Variants in STK39 observed in about 807,000 individuals in gnomAD.
The protein encoded by STK39 is STE20/SPS1-related proline-alanine-rich protein kinase.
A neutral mutation model predicts 77.8 loss-of-function variants in STK39; 20 were observed. The observed-to-expected ratio is 0.26, with a 90% confidence interval of 0.18 to 0.37. The LOEUF (loss-of-function observed/expected upper bound fraction) is 0.37, where lower values mean the gene tolerates loss of function less well. STK39 is among the 10% of genes least tolerant of loss of function. The probability of loss-of-function intolerance (pLI) is 1.00; values close to 1 mark genes in which losing one functional copy is unlikely to be tolerated. For missense variants in STK39, 479 were observed against 656.5 expected (o/e 0.73, Z 2.95); for synonymous variants, 246 against 234.1 (o/e 1.05, Z -0.47).
chr2:167,981,048 A>C (rs1683405119), intron 16 of STK39, among the ~76,000 whole-genome samples: 1 of 146,518 alleles, frequency 6.8e-6, no homozygotes, highest in Admixed American at 6.8e-5. Flanking sequence ...TAGGCCACAG[A>C]GTAAAAAAAA....
At chr2:168,215,183 T>C (rs1296976897) in intron 1 of STK39, among the ~76,000 whole-genome samples, 1 of 152,232 alleles carries the variant, frequency 6.6e-6, no homozygotes, top group African/African-American at 2.4e-5. Context: ...AGTTGTTTTT[T>C]ATGCATCCTT....
chr2:167,996,727 T>G (rs978780426), intron 16 of STK39, among the ~76,000 whole-genome samples: 2 of 152,190 alleles, frequency 1.3e-5, no homozygotes, highest in Non-Finnish European at 2.9e-5. Flanking sequence ...CTTGAGGTAG[T>G]GTAGACTCCC....
intron 1 of STK39, among the ~76,000 whole-genome samples, chr2:168,223,269 G>A (rs1432038754): frequency 1.3e-5 from 2 of 152,062 alleles, no homozygotes; most frequent in Non-Finnish European, 2.9e-5. Context: ...CAGCACTTTG[G>A]GAGGCTGAGG....
At chr2:168,115,010 T>G (rs1456515599) in intron 10 of STK39, among the ~76,000 whole-genome samples, 1 of 152,180 alleles carries the variant, frequency 6.6e-6, no homozygotes, top group East Asian at 1.9e-4. Context: ...TAACTAACTT[T>G]AATGGCCCCA....
intron 14 of STK39, among the ~76,000 whole-genome samples, chr2:168,038,456 A>AG (rs933455973): frequency 1.3e-5 from 2 of 151,556 alleles, no homozygotes; most frequent in African/African-American, 4.8e-5. Flanking sequence ...ATTTAAAAAA[A>AG]AAAACCCTCA....
intron 1 of STK39, among the ~76,000 whole-genome samples, chr2:168,242,986 C>T (rs1417486188): frequency 6.6e-6 from 1 of 151,926 alleles, no homozygotes; most frequent in African/African-American, 2.4e-5. Context: ...AATCAAAGCC[C>T]TGTCTTGAGA....
intron 1 of STK39, among the ~76,000 whole-genome samples, chr2:168,239,021 G>A (rs116352981): frequency 3.7e-4 from 57 of 152,172 alleles, no homozygotes; most frequent in African/African-American, 1.3e-3. Context: ...AGAATGACCC[G>A]GTTCTATGGT....
chr2:168,208,659 T>C (rs1042152632), intron 1 of STK39, among the ~76,000 whole-genome samples: 5 of 152,230 alleles, frequency 3.3e-5, no homozygotes, highest in Admixed American at 2.0e-4. Context: ...GGCTTACAAA[T>C]GTCTCCTTCT....
At chr2:168,230,627 C>T (rs924426263) in intron 1 of STK39, among the ~76,000 whole-genome samples, 1 of 152,156 alleles carries the variant, frequency 6.6e-6, no homozygotes, top group East Asian at 1.9e-4. Context: ...TGTTACACAG[C>T]TATAGATAGC....
At chr2:167,959,297 T>G (rs1691873725) in intron 17 of STK39, among the ~76,000 whole-genome samples, 1 of 151,830 alleles carries the variant, frequency 6.6e-6, no homozygotes, top group South Asian at 2.1e-4. Flanking sequence ...TTTTTTTTTT[T>G]TGTATTTTTA....
intron 14 of STK39, among the ~76,000 whole-genome samples, chr2:168,029,709 G>A (rs1369935596): frequency 1.3e-5 from 2 of 152,134 alleles, no homozygotes; most frequent in Non-Finnish European, 2.9e-5. Flanking sequence ...TGCTTTCTCC[G>A]ACGGGTATTT....
intron 1 of STK39, among the ~76,000 whole-genome samples, chr2:168,221,102 G>A (rs149392306): frequency 6.6e-6 from 1 of 152,250 alleles, no homozygotes; most frequent in African/African-American, 2.4e-5. Flanking sequence ...TGAGCAGGAT[G>A]ATAGGAAGTA....
Position 168,247,286 on chromosome 2 carries a change from CGCCGGGGCCGGGGCCGGG to C in STK39, c.132_149del (p.Pro45_Ala50del). 1.1e-5 allele frequency: 11 copies of C among 1,006,984 alleles called. No homozygotes were observed. The highest frequency in any genetic ancestry group is 1.3e-5 in the Non-Finnish European group (11 of 834,276). The allele number at this position is 1,006,984 out of a possible 1,614,324, so 62.4% of individuals were successfully genotyped here. On this transcript the variant is annotated inframe_deletion, in exon 1 of 18. Coordinates refer to ENST00000355999, the MANE Select transcript of STK39 (RefSeq NM_013233.3). ...AGATGGGCCAGCCGACAGCCTGTGC[CGCCGGGGCCGGGGCCGGG>C]GCCGGGGCCGCGGGAGCTGCCGGGG...
chr2:168,228,967 T>C (rs769415779), intron 1 of STK39, among the ~76,000 whole-genome samples: 8 of 152,170 alleles, frequency 5.3e-5, no homozygotes, highest in Non-Finnish European at 8.8e-5. Context: ...ACAGGTCACT[T>C]AGCCTTTAAA....
intron 1 of STK39, among the ~76,000 whole-genome samples, chr2:168,218,494 T>C (rs190936390): frequency 4.5e-4 from 69 of 152,306 alleles, no homozygotes; most frequent in Non-Finnish European, 8.2e-4. Context: ...TCAACTGCTC[T>C]CCCACTTCTC....
intron 14 of STK39, among the ~76,000 whole-genome samples, chr2:168,028,731 G>T (rs1301339150): frequency 6.6e-6 from 1 of 152,070 alleles, no homozygotes; most frequent in Non-Finnish European, 1.5e-5. Context: ...GGGTGTGGTG[G>T]GTTTTACTGC....
intron 14 of STK39, among the ~76,000 whole-genome samples, chr2:168,051,819 C>T (rs138460001): frequency 6.6e-5 from 10 of 152,176 alleles, no homozygotes; most frequent in Admixed American, 2.6e-4. Flanking sequence ...ACTAGTCTTG[C>T]GACATGGCAC....
At chr2:168,071,862 T>C (rs1239084609) in intron 12 of STK39, among the ~76,000 whole-genome samples, 1 of 135,106 alleles carries the variant, frequency 7.4e-6, no homozygotes, top group African/African-American at 2.8e-5. Flanking sequence ...AGAGTGAGAC[T>C]CCATCTCAAA....
intron 10 of STK39, among the ~76,000 whole-genome samples, chr2:168,122,732 C>T (rs1407720826): frequency 6.6e-6 from 1 of 152,144 alleles, no homozygotes; most frequent in African/African-American, 2.4e-5. Flanking sequence ...CCACCACACT[C>T]AGCCAACAAG....
Sources: gnomAD v4.1 joint callset for allele counts (sites outside exome capture counted in the v4.1 genomes callset) on GRCh38, gnomAD v4.1.1 for gene constraint, MANE v1.5 for transcripts, NCBI Gene and HGNC (gene_info 2026-07-23, HGNC 2026-07-21) for gene names.